The following PARD3B variants were observed in gnomAD, a reference collection of about 807,000 sequenced individuals.
PARD3B encodes the protein par-3 family cell polarity regulator beta.
PARD3B carries 103 observed loss-of-function variants against 130.2 expected under a neutral mutation model. The observed-to-expected ratio is 0.79, with a 90% CI of 0.67 to 0.93. The LOEUF (loss-of-function observed/expected upper bound fraction) is 0.93. Among genes scored for constraint, PARD3B ranks in the 40% least tolerant of loss-of-function variants. The probability of loss-of-function intolerance (pLI) is 0.00; values close to 1 mark genes in which losing one functional copy is unlikely to be tolerated. For missense variants in PARD3B, 1,609 were observed against 1,499.2 expected (o/e 1.07, Z -1.21); for synonymous variants, 583 against 553.2 (o/e 1.05, Z -0.76).
At chr2:204,983,654 G>A (rs1192246373) in intron 3 of PARD3B, among the ~76,000 whole-genome samples, 2 of 152,010 alleles carry the variant, frequency 1.3e-5, no homozygotes, top group African/African-American at 2.4e-5. Context: ...TCTGACCTTC[G>A]TTCCGTTTCT....
chr2:204,576,855 A>G (rs76355089), intron 1 of PARD3B, among the ~76,000 whole-genome samples: 4,899 of 152,270 alleles, frequency 0.032, 106 homozygotes, highest in Non-Finnish European at 0.048. Flanking sequence ...TAACAACAAT[A>G]TGGAATACAA....
At chr2:205,498,460 C>T (rs2050027953) in intron 20 of PARD3B, among the ~76,000 whole-genome samples, 1 of 151,890 alleles carries the variant, frequency 6.6e-6, no homozygotes, top group Non-Finnish European at 1.5e-5. Flanking sequence ...CAAGATAGTG[C>T]CATAGCACTC....
At chr2:204,700,706 T>A (rs1254632021) in intron 2 of PARD3B, among the ~76,000 whole-genome samples, 1 of 152,132 alleles carries the variant, frequency 6.6e-6, no homozygotes, top group Non-Finnish European at 1.5e-5. Context: ...CTAAATGCTT[T>A]AAGAATTCAT....
At chr2:204,573,667 T>A (rs1176062432) in intron 1 of PARD3B, among the ~76,000 whole-genome samples, 1 of 152,186 alleles carries the variant, frequency 6.6e-6, no homozygotes, top group Non-Finnish European at 1.5e-5. Context: ...TTGTGATTGG[T>A]ATACCATCAG....
chr2:204,596,627 CT>C (rs1413318752), intron 1 of PARD3B, among the ~76,000 whole-genome samples: 3 of 152,248 alleles, frequency 2.0e-5, no homozygotes, highest in Middle Eastern at 3.4e-3. Flanking sequence ...TCCCAATAAT[CT>C]TTCATGTAAG....
intron 18 of PARD3B, among the ~76,000 whole-genome samples, chr2:205,385,165 G>A (rs988280413): frequency 2.5e-4 from 38 of 152,080 alleles, no homozygotes; most frequent in African/African-American, 7.5e-4. Flanking sequence ...ACAAAGCTTT[G>A]TCATATATCA....
chr2:205,301,435 T>C lies in PARD3B; in HGVS notation c.2393-29T>C, dbSNP rs138277957. On this transcript the variant is annotated intron_variant, in intron 17 of 22. Transcript: ENST00000406610. The surrounding 1 kb of genome is among the most constrained non-coding windows in gnomAD (Gnocchi z 5.2). The stretch of plus-strand genomic sequence containing the variant: ...TACTAACTGAGTGTGCCCCTGACCA[T>C]GGGTATTGATTATTTTTTCTCTGTA... 2.5e-6 allele frequency: 4 copies of C among 1,584,356 alleles called. No homozygotes were observed. The African/African-American group carries it at 5.5e-5, about 22-fold the overall frequency.
At chr2:205,206,134 A>T (rs1416553549) in intron 15 of PARD3B, among the ~76,000 whole-genome samples, 1 of 149,842 alleles carries the variant, frequency 6.7e-6, no homozygotes, top group Non-Finnish European at 1.5e-5. Flanking sequence ...AAAGACAGAT[A>T]TGAACTTTTT....
intron 18 of PARD3B, among the ~76,000 whole-genome samples, chr2:205,356,890 C>CAAAA (rs33968644): frequency 3.2e-3 from 419 of 131,284 alleles, no homozygotes; most frequent in African/African-American, 0.012. Flanking sequence ...GACTCTGTCT[C>CAAAA]AAAAAAAAAA....
intron 3 of PARD3B, among the ~76,000 whole-genome samples, chr2:205,005,934 A>G (rs932316892): frequency 3.0e-4 from 46 of 152,166 alleles, no homozygotes; most frequent in Non-Finnish European, 1.0e-4. Flanking sequence ...ACTGCACTCA[A>G]TGTGTAGTCT....
intron 2 of PARD3B, among the ~76,000 whole-genome samples, chr2:204,915,426 A>T (rs929817816): frequency 5.3e-5 from 8 of 152,172 alleles, no homozygotes; most frequent in Non-Finnish European, 1.2e-4. Flanking sequence ...TAATGCTGAA[A>T]TTTGTTATGC....
At chr2:204,727,793 A>G (rs1405899921) in intron 2 of PARD3B, among the ~76,000 whole-genome samples, 2 of 152,158 alleles carry the variant, frequency 1.3e-5, no homozygotes, top group Non-Finnish European at 2.9e-5. Context: ...AAAAAATGGC[A>G]TTGGCATGAT....
Position 205,568,080 on chromosome 2 carries a change from G to A in PARD3B, c.3260+14677G>A, listed in dbSNP as rs1352691342. Reference sequence around the variant, plus strand: ...AGTGCACTGGTAACAGAAGCCTCAAGCCAGGCAGCACAGATGCTTGGATAA... The same window carrying A: ...AGTGCACTGGTAACAGAAGCCTCAAACCAGGCAGCACAGATGCTTGGATAA... On this transcript the variant is annotated intron_variant, in intron 22 of 22. Transcript: ENST00000406610. This position sits in a 1 kb window ranked among gnomAD's most constrained non-coding sequence, Gnocchi z 5.3. 3.9e-5 allele frequency among the ~76,000 whole-genome samples: 6 copies of A among 152,206 alleles called. No homozygotes were observed. Among genetic ancestry groups the A allele is most frequent in the African/African-American group, 2.4e-5 (1 of 41,466 alleles).
intron 18 of PARD3B, among the ~76,000 whole-genome samples, chr2:205,345,323 C>T (rs1373395435): frequency 6.6e-6 from 1 of 152,160 alleles, no homozygotes; most frequent in African/African-American, 2.4e-5. Flanking sequence ...TTAGCAAGAC[C>T]TCTTTGCTCA....
At chr2:204,935,394 C>G (rs1480802528) in intron 2 of PARD3B, among the ~76,000 whole-genome samples, 2 of 144,538 alleles carry the variant, frequency 1.4e-5, no homozygotes, top group Non-Finnish European at 3.1e-5. Context: ...AAAAAATTAG[C>G]CTGGCATGGT....
At chr2:205,450,461 A>G (rs2048057354) in intron 20 of PARD3B, among the ~76,000 whole-genome samples, 6 of 143,418 alleles carry the variant, frequency 4.2e-5, no homozygotes, top group Admixed American at 2.8e-4. Flanking sequence ...ATTTAAGTGC[A>G]GATTCTTTTT....
At chr2:205,409,321 C>T (rs754779061) in intron 19 of PARD3B, among the ~76,000 whole-genome samples, 3 of 152,128 alleles carry the variant, frequency 2.0e-5, no homozygotes, top group Non-Finnish European at 4.4e-5. Context: ...AGTAGCCATA[C>T]ACCCACACTA....
At chr2:205,513,072 G>A (rs904394615) in intron 21 of PARD3B, among the ~76,000 whole-genome samples, 1 of 151,120 alleles carries the variant, frequency 6.6e-6, no homozygotes, top group Non-Finnish European at 1.5e-5. Flanking sequence ...CAATTGCCAG[G>A]CGTGCTTCAG....
rs187939308 is a variant in PARD3B, at chr2:205,254,868, G to A, written c.2185+9046G>A. Among the ~76,000 whole-genome samples the A allele has an allele frequency of 2.6e-3, 400 of 151,732 alleles. 5 individuals carry two copies. The highest frequency in any genetic ancestry group is 4.8e-3 in the Admixed American group (74 of 15,262). ...TTTAGTAGAGACGGGGTTTCACCAT[G>A]TTGGTCAGGATGGTCTCGATCTCCT... is the stretch of plus-strand genomic sequence containing the variant. On this transcript the variant is annotated intron_variant, in intron 16 of 22. Coordinates refer to ENST00000406610, the MANE Select transcript of PARD3B (RefSeq NM_001302769.2).
Sources: allele counts gnomAD v4.1 joint callset (sites outside exome capture counted in the v4.1 genomes callset), GRCh38; gene constraint gnomAD v4.1.1; non-coding constraint Gnocchi (gnomAD v3.1); transcripts MANE v1.5; gene names NCBI Gene and HGNC (gene_info 2026-07-23, HGNC 2026-07-21).